The following FMO5 variants were observed in gnomAD, a reference collection of about 807,000 sequenced individuals.
FMO5 encodes flavin-containing monooxygenase 5.
Under a neutral mutation model 43.6 loss-of-function variants are expected in FMO5, and 51 were observed. That is an observed-to-expected ratio of 1.17 (90% CI 0.93 to 1.48). FMO5 has a LOEUF of 1.48. FMO5 is among the 40% of genes most tolerant of loss of function. The probability of loss-of-function intolerance (pLI) is 0.00; values close to 1 mark genes in which losing one functional copy is unlikely to be tolerated. For synonymous variants in FMO5, 187 were observed against 216.5 expected (o/e 0.86, Z 1.20); for missense variants, 644 against 643.0 (o/e 1.00, Z -0.02).
chr1:147,212,606 T>G (rs782309093), intron 4 of FMO5, 71 bp from the exon 5 acceptor site: 32 of 1,445,438 alleles, frequency 2.2e-5, no homozygotes, highest in Non-Finnish European at 3.0e-5. Flanking sequence ...AGTCATTTGT[T>G]TTTTTTGCAG....
chr1:147,197,738 T>C (rs1485183313), intron 7 of FMO5, among the ~76,000 whole-genome samples: 1 of 152,174 alleles, frequency 6.6e-6, no homozygotes, highest in Non-Finnish European at 1.5e-5. Context: ...TAGAAACTAC[T>C]CAGCCTCAGG....
intron 6 of FMO5, chr1:147,208,574 G>A (rs587693711): frequency 3.4e-6 from 1 of 294,268 alleles, no homozygotes; most frequent in East Asian, 8.3e-5. Context: ...TGAATAGCTG[G>A]GACTACAGAC....
Position 147,201,151 on chromosome 1 carries a change from C to T in FMO5, c.1183+1G>A. 2 of 1,604,400 alleles carry T rather than the reference C, an allele frequency of 1.2e-6. No individual in the cohort carries two copies. Among genetic ancestry groups the T allele is most frequent in the South Asian group, 1.1e-5 (1 of 90,220 alleles). The stretch of plus-strand genomic sequence containing the variant: ...AGTAGTCTATTTGCATGGTCACTTA[C>T]CTTTAAATACCTGAGTGGCCCAGCG... On this transcript the variant is annotated splice_donor_variant, in intron 7 of 8. Transcript: ENST00000254090. LOFTEE classifies it high-confidence loss of function.
At position 147,212,612 on chromosome 1, in the gene FMO5, T is replaced by C. The variant is rs1257781591; in HGVS notation, c.488-77A>G. 14 of 1,382,218 alleles carry C rather than the reference T, an allele frequency of 1.0e-5. No individual in the cohort carries two copies. In the Admixed American group the frequency reaches 2.7e-4, roughly 27 times the overall value. The allele number at this position is 1,382,218 out of a possible 1,614,324, so 85.6% of individuals were successfully genotyped here. A position where few individuals can be genotyped will look rare whatever the true frequency, so the allele number is the denominator to read the frequency against. ...CATTTGTCAAGTCATTTGTTTTTTT[T>C]GCAGACTTAAGTTTAAGCATATATT... On this transcript the variant is annotated intron_variant, in intron 4 of 8. Coordinates refer to ENST00000254090, the MANE Select transcript of FMO5 (RefSeq NM_001461.4).
chr1:147,189,205 C>T (rs1656217879), intron 8 of FMO5, among the ~76,000 whole-genome samples: 1 of 151,472 alleles, frequency 6.6e-6, no homozygotes, highest in Non-Finnish European at 1.5e-5. Flanking sequence ...ACCCAGGAGG[C>T]AGAGGTTGCA....
At chr1:147,216,183 T>C (rs1397326189) in intron 2 of FMO5, among the ~76,000 whole-genome samples, 1 of 152,168 alleles carries the variant, frequency 6.6e-6, no homozygotes, top group Non-Finnish European at 1.5e-5. Flanking sequence ...AAGTCATAAG[T>C]AGCCTTGCGG....
At chr1:147,184,461 T>G, downstream of FMO5, 1 of 1,404,070 alleles carries the variant, frequency 7.1e-7, no homozygotes, top group Non-Finnish European at 9.3e-7. This position sits in a 1 kb window ranked among gnomAD's most constrained non-coding sequence, Gnocchi z 4.4. Context: ...GTTGCAGGAG[T>G]CCATCCAGGA....
intron 7 of FMO5, among the ~76,000 whole-genome samples, chr1:147,192,548 G>A (rs1298403518): frequency 6.6e-6 from 1 of 151,788 alleles, no homozygotes; most frequent in African/African-American, 2.4e-5. Context: ...CCAACACTCT[G>A]TTGAATAGGA....
upstream of FMO5, among the ~76,000 whole-genome samples, chr1:147,226,478 CA>C (rs368660863): frequency 9.6e-3 from 1,458 of 152,066 alleles, 22 homozygotes; most frequent in African/African-American, 0.033. Flanking sequence ...TATTAGTAAC[CA>C]AAAATACAAA....
chr1:147,203,182 CT>C (rs1659355000), intron 6 of FMO5: 1 of 632,518 alleles, frequency 1.6e-6, no homozygotes, highest in African/African-American at 1.9e-5. Flanking sequence ...CACAAAATAC[CT>C]CTTAATGTAA....
At chr1:147,206,827 GGATGTAAATGACA>G (rs1660167610) in intron 6 of FMO5, among the ~76,000 whole-genome samples, 1 of 29,614 alleles carries the variant, frequency 3.4e-5, no homozygotes, top group African/African-American at 7.4e-4. Context: ...ACAAGTTAAT[GGATGTAAATGACA>G]AGTTAATGGG....
chr1:147,208,870 C>T lies in FMO5; in HGVS notation c.812G>A (p.Gly271Asp). The stretch of plus-strand genomic sequence containing the variant: ...AACATACCTGTGTTTAGGCTTCAGG[C>T]CAAACATTTCATGGTCAAACCTTTG... ...INQRFDHEMFGLKPKHRALSQ... is the reference protein window; with the variant it reads ...INQRFDHEMFDLKPKHRALSQ... The change falls in exon 6 of 9, where the codon GGC (glycine) becomes GAC (aspartate). Residue 271 changes from glycine to aspartate, a missense_variant. Gly to Asp is a moderately conservative substitution (Grantham distance 94, BLOSUM62 -1). Coordinates refer to ENST00000254090, the MANE Select transcript of FMO5 (RefSeq NM_001461.4). 6.2e-7 allele frequency: 1 copy of T among 1,614,030 alleles called. No homozygotes were observed. Among genetic ancestry groups the T allele is most frequent in the African/African-American group, 1.3e-5 (1 of 75,048 alleles).
chr1:147,212,367 G>A lies in FMO5; in HGVS notation c.630+26C>T, dbSNP rs190438409. 1,102 of 1,612,466 alleles carry A rather than the reference G, an allele frequency of 6.8e-4. 1 individual carries two copies. The highest frequency in any genetic ancestry group is 2.8e-3 in the Middle Eastern group (17 of 6,054). ...GAAACTGAAGCTAGAGTTAAGCAAC[G>A]TAAATAATAATTGAGTGATTCAAAC... On this transcript the variant is annotated intron_variant, in intron 5 of 8. Coordinates refer to ENST00000254090, the MANE Select transcript of FMO5 (RefSeq NM_001461.4).
At chr1:147,223,760 C>A in intron 2 of FMO5, 2 of 233,934 alleles carry the variant, frequency 8.5e-6, no homozygotes, top group Non-Finnish European at 1.7e-5. Flanking sequence ...AAGAGCTATC[C>A]TTTTATAAGC....
intron 7 of FMO5, among the ~76,000 whole-genome samples, chr1:147,199,050 G>A (rs1323441653): frequency 7.2e-5 from 11 of 151,986 alleles, no homozygotes; most frequent in Admixed American, 1.3e-4. Flanking sequence ...TGCAAAAGAC[G>A]CAATCAAAAC....
intron 6 of FMO5, among the ~76,000 whole-genome samples, chr1:147,207,249 T>C (rs1224446296): frequency 2.0e-5 from 3 of 152,196 alleles, no homozygotes; most frequent in African/African-American, 4.8e-5. Context: ...TGTGTATGTA[T>C]GCTCTATATG....
chr1:147,191,328 C>T (rs1391106635), intron 7 of FMO5, among the ~76,000 whole-genome samples: 1 of 152,128 alleles, frequency 6.6e-6, no homozygotes, highest in Admixed American at 6.5e-5. Flanking sequence ...TATTTCTCCA[C>T]ATCCTCTCCA....
At chr1:147,214,548 C>T (rs1661655082) in intron 3 of FMO5, among the ~76,000 whole-genome samples, 1 of 151,912 alleles carries the variant, frequency 6.6e-6, no homozygotes, top group Non-Finnish European at 1.5e-5. Flanking sequence ...TGTTCTTTTA[C>T]ACAGGCTGGT....
At position 147,225,281 on chromosome 1, in the gene FMO5, T is replaced by G; in HGVS notation, c.-38+6A>C. ...GAGAGTGCTCTGCTGCGGTACCGGA[T>G]CTCACCGCCTTTCCTGAAGCGCTCA... On this transcript the variant is annotated splice_donor_region_variant and intron_variant, in intron 1 of 8. Coordinates refer to ENST00000254090, the MANE Select transcript of FMO5 (RefSeq NM_001461.4). 1.1e-6 allele frequency: 1 copy of G among 901,212 alleles called. No homozygotes were observed. The highest frequency in any genetic ancestry group is 1.5e-6 in the Non-Finnish European group (1 of 645,510). The allele number at this position is 901,212 out of a possible 1,614,324, so 55.8% of individuals were successfully genotyped here.
Sources: gnomAD v4.1 joint callset for allele counts (sites outside exome capture counted in the v4.1 genomes callset) on GRCh38, gnomAD v4.1.1 for gene constraint, Gnocchi (gnomAD v3.1) non-coding constraint, MANE v1.5 for transcripts, NCBI Gene and HGNC (gene_info 2026-07-23, HGNC 2026-07-21) for gene names.